Variants in CMC2 observed in about 807,000 individuals in gnomAD.
The protein encoded by CMC2 is COX assembly mitochondrial protein 2 homolog.
Under a neutral mutation model 7.5 loss-of-function variants are expected in CMC2, and 5 were observed. The observed-to-expected ratio is 0.66, with a 90% CI of 0.35 to 1.40. The LOEUF is 1.40. Among genes scored for constraint, CMC2 ranks in the 40% most tolerant of loss-of-function variants. The pLI is 0.04. For synonymous variants in CMC2, 37 were observed against 31.4 expected (o/e 1.18, Z -0.60); for missense variants, 115 against 92.3 (o/e 1.25, Z -1.01).
At chr16:80,981,346 C>T (rs1967097187) in intron 3 of CMC2, among the ~76,000 whole-genome samples, 1 of 151,426 alleles carries the variant, frequency 6.6e-6, no homozygotes, top group South Asian at 2.1e-4. Flanking sequence ...CAAAACAAGT[C>T]AAATTAGATC....
chr16:81,003,525 G>C (rs1026614243), intron 1 of CMC2, among the ~76,000 whole-genome samples: 1 of 152,068 alleles, frequency 6.6e-6, no homozygotes, highest in Non-Finnish European at 1.5e-5. Flanking sequence ...CTAAGCCCCA[G>C]GTCACACAGT....
intron 2 of CMC2, among the ~76,000 whole-genome samples, chr16:80,985,617 AAAT>A (rs1967458428): frequency 6.6e-6 from 1 of 152,112 alleles, no homozygotes; most frequent in Non-Finnish European, 1.5e-5. Flanking sequence ...CTAGAATCCT[AAAT>A]AATGTTAAAA....
intron 1 of CMC2, chr16:80,997,632 T>A (rs1034881102): frequency 4.9e-4 from 175 of 356,962 alleles, no homozygotes; most frequent in African/African-American, 3.6e-3. Context: ...TCAGTAGTAT[T>A]TAGAGAACCT....
At chr16:80,984,904 G>C (rs1166350534) in intron 2 of CMC2, among the ~76,000 whole-genome samples, 1 of 152,170 alleles carries the variant, frequency 6.6e-6, no homozygotes. Context: ...CAGAGAAATT[G>C]GTAGAAGAAA....
chr16:80,992,386 T>A (rs1968072349), intron 2 of CMC2, among the ~76,000 whole-genome samples: 1 of 152,212 alleles, frequency 6.6e-6, no homozygotes, highest in African/African-American at 2.4e-5. Context: ...TAAGTGGGAC[T>A]GATGGATTAA....
chr16:81,004,377 A>C (rs1296739215), intron 1 of CMC2, among the ~76,000 whole-genome samples: 1 of 152,216 alleles, frequency 6.6e-6, no homozygotes, highest in Non-Finnish European at 1.5e-5. Context: ...TCCAGTGCAG[A>C]CCCCAAGCCA....
At position 80,974,438 on chromosome 16, in the gene CMC2, T is replaced by C. The variant is rs1406365538; in HGVS notation, c.*1655A>G. On this transcript the variant is annotated 3_prime_UTR_variant, in exon 4 of 4. Transcript: ENST00000219400. ...TAATCACCATATTAAAACCTGCAAC[T>C]GGTCATCACAGCACTGAAAATAAAA... is the stretch of plus-strand genomic sequence containing the variant. 1 of 152,208 alleles carries C rather than the reference T, an allele frequency of 6.6e-6. No homozygotes were observed. Among genetic ancestry groups the C allele is most frequent in the Non-Finnish European group, 1.5e-5 (1 of 68,046 alleles). 9.4% of individuals were successfully genotyped at this position (152,208 alleles called of 1,614,324 possible). A position where few individuals can be genotyped will look rare whatever the true frequency, so the allele number is the denominator to read the frequency against.
intron 2 of CMC2, 95 bp downstream of exon 2, chr16:80,997,219 T>A (rs1968495738): frequency 1.3e-6 from 1 of 777,506 alleles, no homozygotes; most frequent in South Asian, 1.4e-5. Flanking sequence ...ACTAAGACAT[T>A]ATCGTTTCCT....
chr16:80,978,234 A>T (rs894216848), intron 3 of CMC2: 10 of 1,044,472 alleles, frequency 9.6e-6, no homozygotes, highest in African/African-American at 3.4e-5. Flanking sequence ...AAAAGCTTTC[A>T]TATCTACCTT....
rs201835419 is a variant in CMC2, at chr16:80,972,369, GTTTTT to G, written c.*3719_*3723del. 6.6e-6 allele frequency: 1 copy of G among 151,560 alleles called. No homozygotes were observed. Among genetic ancestry groups the G allele is most frequent in the South Asian group, 2.1e-4 (1 of 4,790 alleles). 9.4% of individuals were successfully genotyped at this position (151,560 alleles called of 1,614,324 possible). Reference sequence around the variant, plus strand: ...GGACAGTGAGGATTTTTTGTTTTTCGTTTTTTTTGTTTTTTTCTAAGAACAGAATG... The same window carrying G: ...GGACAGTGAGGATTTTTTGTTTTTCGTTTGTTTTTTTCTAAGAACAGAATG... On this transcript the variant is annotated 3_prime_UTR_variant, in exon 4 of 4. Coordinates refer to ENST00000219400, the MANE Select transcript of CMC2 (RefSeq NM_020188.5).
In CMC2 at chr16:80,968,276, C is replaced by T. The variant is rs1030476120; in HGVS notation, c.*7817G>A. ...GTAGAGACAGGGTCTTACTATGTTG[C>T]CCAAGCTGGTCTTGAACTCCCTGGC... On this transcript the variant is annotated 3_prime_UTR_variant, in exon 4 of 4. Transcript: ENST00000219400. 6.6e-6 allele frequency: 1 copy of T among 152,062 alleles called. No individual in the cohort carries two copies. The highest frequency in any genetic ancestry group is 2.4e-5 in the African/African-American group (1 of 41,368). The allele number at this position is 152,062 out of a possible 1,614,324, so 9.4% of individuals were successfully genotyped here.
chr16:80,991,960 G>A (rs1968030905), intron 2 of CMC2: 1 of 455,338 alleles, frequency 2.2e-6, no homozygotes, highest in African/African-American at 2.0e-5. Context: ...ACGGAATCCT[G>A]TAACAGAGAA....
intron 1 of CMC2, chr16:80,998,769 A>G (rs1968627082): frequency 6.6e-6 from 1 of 152,210 alleles, no homozygotes; most frequent in African/African-American, 2.4e-5. Flanking sequence ...AAGCCAGTCA[A>G]AAAACATATA....
At chr16:80,976,781 T>C (rs756294519) in intron 3 of CMC2, among the ~76,000 whole-genome samples, 9 of 152,242 alleles carry the variant, frequency 5.9e-5, no homozygotes, top group Non-Finnish European at 1.3e-4. Flanking sequence ...TATTTCTTCT[T>C]GTCTGCTATA....
chr16:80,988,539 C>G (rs1373655653), intron 2 of CMC2: 2 of 701,842 alleles, frequency 2.8e-6, no homozygotes, highest in East Asian at 2.7e-5. Flanking sequence ...CTAGCTCTTA[C>G]ATATACACCC....
At position 80,968,351 on chromosome 16, in the gene CMC2, G is replaced by A. The variant is rs142420159; in HGVS notation, c.*7742C>T. 82 of 152,374 alleles carry A rather than the reference G, an allele frequency of 5.4e-4. No individual in the cohort carries two copies. The highest frequency in any genetic ancestry group is 1.7e-3 in the African/African-American group (70 of 41,538). The allele number at this position is 152,374 out of a possible 1,614,324, so 9.4% of individuals were successfully genotyped here. On this transcript the variant is annotated 3_prime_UTR_variant, in exon 4 of 4. Coordinates refer to ENST00000219400, the MANE Select transcript of CMC2 (RefSeq NM_020188.5). ...CTTCGAAAGTACTGGGATTACAGGC[G>A]CAAGCCACCCCACACGGCTGAGATT... is the stretch of plus-strand genomic sequence containing the variant.
chr16:80,981,747 T>G (rs1279943585), intron 3 of CMC2, 59 bp downstream of exon 3: 3 of 1,108,064 alleles, frequency 2.7e-6, no homozygotes, highest in Admixed American at 2.2e-5. Flanking sequence ...TAATACACAA[T>G]ATTCAAAAAT....
chr16:80,970,495 G>A lies in CMC2; in HGVS notation c.*5598C>T, dbSNP rs1911841086. Reference sequence around the variant, plus strand: ...TCTTCCAAAAACCTACTACAAATTTGCTACTTGTCAGTGAAATGTAAGGAT... The same window carrying A: ...TCTTCCAAAAACCTACTACAAATTTACTACTTGTCAGTGAAATGTAAGGAT... On this transcript the variant is annotated 3_prime_UTR_variant, in exon 4 of 4. Transcript: ENST00000219400. 6.6e-6 allele frequency: 1 copy of A among 152,190 alleles called. No homozygotes were observed. The highest frequency in any genetic ancestry group is 2.1e-4 in the South Asian group (1 of 4,830). 9.4% of individuals were successfully genotyped at this position (152,190 alleles called of 1,614,324 possible).
intron 2 of CMC2, among the ~76,000 whole-genome samples, chr16:80,985,682 A>C (rs897314229): frequency 7.9e-5 from 12 of 152,110 alleles, no homozygotes; most frequent in Admixed American, 7.9e-4. Context: ...CACGAAGGAG[A>C]AAAGCTGTTA....
Sources: gnomAD v4.1 joint callset for allele counts (sites outside exome capture counted in the v4.1 genomes callset) on GRCh38, gnomAD v4.1.1 for gene constraint, MANE v1.5 for transcripts, NCBI Gene and HGNC (gene_info 2026-07-23, HGNC 2026-07-21) for gene names.